The following ZNRF3 variants were observed in gnomAD, a reference collection of about 807,000 sequenced individuals.
ZNRF3 encodes the protein E3 ubiquitin-protein ligase ZNRF3.
A neutral mutation model predicts 72.5 loss-of-function variants in ZNRF3; 23 were observed. That is an observed-to-expected ratio of 0.32 (90% CI 0.23 to 0.45). ZNRF3 has a LOEUF of 0.45. ZNRF3 is among the 20% of genes least tolerant of loss of function. The pLI is 1.00. For missense variants in ZNRF3, 1,169 were observed against 1,272.1 expected, an observed-to-expected ratio of 0.92 and a Z score of 1.23; for synonymous variants, 610 against 545.3, an observed-to-expected ratio of 1.12 and a Z score of -1.65.
chr22:29,048,230 G>A lies in ZNRF3; in HGVS notation c.913-159G>A, dbSNP rs1761943112. Among the ~76,000 whole-genome samples the A allele has an allele frequency of 6.6e-6, 1 of 152,162 alleles. No individual in the cohort carries two copies. The highest frequency in any genetic ancestry group is 1.5e-5 in the Non-Finnish European group (1 of 68,006). On this transcript the variant is annotated intron_variant, in intron 6 of 8. Transcript: ENST00000544604. This position sits in a 1 kb window ranked among gnomAD's most constrained non-coding sequence, Gnocchi z 4.9. ...CCTTCTTCCTAGAACACATGGGTGG[G>A]CCCTGCTTCTAGGGAATTGAGCCCT...
chr22:28,941,954 T>C (rs1314864241), intron 1 of ZNRF3, among the ~76,000 whole-genome samples: 1 of 152,050 alleles, frequency 6.6e-6, no homozygotes, highest in African/African-American at 2.4e-5. Flanking sequence ...AAACTCTGTC[T>C]CAAAAACAAA....
At chr22:29,010,251 C>T (rs1013474835) in intron 2 of ZNRF3, among the ~76,000 whole-genome samples, 1 of 152,060 alleles carries the variant, frequency 6.6e-6, no homozygotes, top group Non-Finnish European at 1.5e-5. Context: ...AACCCAGGCT[C>T]CTCACTTCTG....
At position 29,053,136 on chromosome 22, in the gene ZNRF3, C is replaced by T. The variant is rs140921370; in HGVS notation, c.2768-443C>T. On this transcript the variant is annotated intron_variant, in intron 8 of 8. Transcript: ENST00000544604. ...GCTCATTCCAGCCCCCAGACCTGTC[C>T]GCTACTTTTCTCCTCCAGATCTTAG... Among the ~76,000 whole-genome samples, 13 of 152,232 alleles carry T rather than the reference C, an allele frequency of 8.5e-5. No homozygotes were observed. In the East Asian group the frequency reaches 9.6e-4, roughly 11 times the overall value.
At chr22:28,892,938 C>T (rs1021470243) in intron 1 of ZNRF3, among the ~76,000 whole-genome samples, 1 of 152,080 alleles carries the variant, frequency 6.6e-6, no homozygotes, top group African/African-American at 2.4e-5. Flanking sequence ...GAGGCTGAGG[C>T]GGGCAGATCA....
intron 1 of ZNRF3, among the ~76,000 whole-genome samples, chr22:28,897,381 C>T (rs59203761): frequency 0.1 from 15,551 of 152,284 alleles, 1,025 homozygotes; most frequent in South Asian, 0.25. Flanking sequence ...AGTACAGTGA[C>T]GTGATCTCCG....
chr22:29,053,750 C>A lies in ZNRF3; in HGVS notation c.*128C>A. 2.1e-6 allele frequency: 2 copies of A among 937,000 alleles called. No individual in the cohort carries two copies. The highest frequency in any genetic ancestry group is 5.6e-5 in the Admixed American group (2 of 35,790). 58.0% of individuals were successfully genotyped at this position (937,000 alleles called of 1,614,324 possible). On this transcript the variant is annotated 3_prime_UTR_variant, in exon 9 of 9. Coordinates refer to ENST00000544604, the MANE Select transcript of ZNRF3 (RefSeq NM_001206998.2). ...ACACAAAAGTGGTAATAAAGAGAGC[C>A]CTCCTTGTCAACCCAAAATGTGAGC...
At chr22:29,010,401 G>A (rs2036329106) in intron 2 of ZNRF3, among the ~76,000 whole-genome samples, 2 of 152,006 alleles carry the variant, frequency 1.3e-5, no homozygotes, top group Non-Finnish European at 2.9e-5. Context: ...TTCAAGGTTC[G>A]CTCTTGTTGT....
At chr22:29,013,809 G>T (rs571052860) in intron 2 of ZNRF3, among the ~76,000 whole-genome samples, 1 of 152,164 alleles carries the variant, frequency 6.6e-6, no homozygotes, top group East Asian at 1.9e-4. Context: ...CCATAAAAGC[G>T]TGATGATATG....
At chr22:28,980,497 C>T (rs1163899765) in intron 1 of ZNRF3, among the ~76,000 whole-genome samples, 2 of 152,142 alleles carry the variant, frequency 1.3e-5, no homozygotes, top group Admixed American at 1.3e-4. Flanking sequence ...CCCAAAATAT[C>T]CCTTGGAACA....
At chr22:29,034,306 A>C (rs1184538208) in intron 2 of ZNRF3, among the ~76,000 whole-genome samples, 1 of 152,218 alleles carries the variant, frequency 6.6e-6, no homozygotes. Flanking sequence ...ACTGATAACC[A>C]TCTCATTTAA....
intron 1 of ZNRF3, among the ~76,000 whole-genome samples, chr22:28,970,930 T>A (rs117203822): frequency 0.017 from 2,561 of 152,310 alleles, 45 homozygotes; most frequent in East Asian, 0.055. Flanking sequence ...TGTATCTTGA[T>A]AGTGGTGGTG....
chr22:28,924,010 C>G (rs1443088427), intron 1 of ZNRF3, among the ~76,000 whole-genome samples: 2 of 152,390 alleles, frequency 1.3e-5, no homozygotes, highest in East Asian at 3.9e-4. Flanking sequence ...GGGCGGGAAC[C>G]ACAAGATCAA....
At chr22:28,937,922 G>C (rs2034871696) in intron 1 of ZNRF3, among the ~76,000 whole-genome samples, 1 of 152,168 alleles carries the variant, frequency 6.6e-6, no homozygotes, top group Admixed American at 6.5e-5. Context: ...TGCAAAGATA[G>C]AACAGAGGGC....
chr22:29,014,361 G>T (rs1417499232), intron 2 of ZNRF3, among the ~76,000 whole-genome samples: 1 of 152,156 alleles, frequency 6.6e-6, no homozygotes, highest in African/African-American at 2.4e-5. Flanking sequence ...TCCCCCAGTG[G>T]CAGCAGTCCC....
At chr22:28,987,295 G>T (rs1156921678) in intron 2 of ZNRF3, 94 bp downstream of exon 2, 16 of 1,525,448 alleles carry the variant, frequency 1.0e-5, no homozygotes, top group Non-Finnish European at 1.4e-5. Flanking sequence ...ATGGAGAAGA[G>T]CCATGCTGGC....
intron 1 of ZNRF3, among the ~76,000 whole-genome samples, chr22:28,953,119 T>C (rs1009602867): frequency 6.6e-6 from 1 of 152,200 alleles, no homozygotes; most frequent in Non-Finnish European, 1.5e-5. Flanking sequence ...CCATTCATCT[T>C]AGAGTGTGGA....
At chr22:29,039,259 A>G (rs541849425) in intron 2 of ZNRF3, among the ~76,000 whole-genome samples, 1 of 152,256 alleles carries the variant, frequency 6.6e-6, no homozygotes, top group African/African-American at 2.4e-5. Context: ...ACGTGGCTAA[A>G]TGGCTTCCCT....
chr22:28,983,699 T>C (rs1386874949), intron 1 of ZNRF3, among the ~76,000 whole-genome samples: 2 of 152,248 alleles, frequency 1.3e-5, no homozygotes, highest in East Asian at 3.8e-4. Flanking sequence ...GTAGGTTTAT[T>C]GCCATGCGTG....
rs1038277403 is a variant in ZNRF3 at position 29,056,424 on chromosome 22, A to G, written c.*2802A>G. 1 of 152,222 alleles carries G rather than the reference A, an allele frequency of 6.6e-6. No homozygotes were observed. Among genetic ancestry groups the G allele is most frequent in the African/African-American group, 2.4e-5 (1 of 41,450 alleles). 9.4% of individuals were successfully genotyped at this position (152,222 alleles called of 1,614,324 possible). On this transcript the variant is annotated 3_prime_UTR_variant, in exon 9 of 9. Transcript: ENST00000544604. ...CCAGCAATACCAACCATTGTCTTTT[A>G]AATTCGTGTTGGCTTCTCAGACAGG... is the stretch of plus-strand genomic sequence containing the variant.
Sources: allele counts gnomAD v4.1 joint callset (sites outside exome capture counted in the v4.1 genomes callset), GRCh38; gene constraint gnomAD v4.1.1; non-coding constraint Gnocchi (gnomAD v3.1); transcripts MANE v1.5; gene names NCBI Gene and HGNC (gene_info 2026-07-23, HGNC 2026-07-21).